Variants in STK25 observed in about 807,000 individuals in gnomAD.
The protein encoded by STK25 is serine/threonine-protein kinase 25.
A neutral mutation model predicts 53.8 loss-of-function variants in STK25; 29 were observed. The observed-to-expected ratio is 0.54, with a 90% CI of 0.40 to 0.74. STK25 has a LOEUF of 0.74. Among genes scored for constraint, STK25 ranks in the 30% least tolerant of loss-of-function variants. STK25 has a pLI of 0.00. For synonymous variants in STK25, 247 were observed against 238.3 expected, an observed-to-expected ratio of 1.04 and a Z score of -0.33; for missense variants, 420 against 568.0, an observed-to-expected ratio of 0.74 and a Z score of 2.65.
chr2:241,498,171 C>T (rs761915534), intron 9 of STK25, 64 bp downstream of exon 9: 134 of 1,467,582 alleles, frequency 9.1e-5, no homozygotes, highest in Non-Finnish European at 1.2e-4. Flanking sequence ...AGCTGGGTCC[C>T]GCATCCAGCC....
At chr2:241,507,632 G>A (rs1463341232) in intron 2 of STK25, among the ~76,000 whole-genome samples, 2 of 152,204 alleles carry the variant, frequency 1.3e-5, no homozygotes, top group Admixed American at 6.5e-5. Context: ...CCCAGGCCGA[G>A]GCCGCAGGGT....
intron 7 of STK25, 25 bp downstream of exon 7, chr2:241,498,964 G>A (rs756076054): frequency 6.2e-7 from 1 of 1,613,126 alleles, no homozygotes; most frequent in Non-Finnish European, 8.5e-7. Context: ...TGTCTAGAAG[G>A]GACCGGGCCA....
intron 9 of STK25, 102 bp downstream of exon 9, chr2:241,498,120 TCCCAAGCTCCTTG>T: frequency 9.9e-7 from 1 of 1,009,092 alleles, no homozygotes; most frequent in Non-Finnish European, 1.5e-6. Flanking sequence ...CCCCTGCCTT[TCCCAAGCTCCTTG>T]TCCAAGCTCC....
chr2:241,495,497 G>T lies in STK25; in HGVS notation c.*165C>A. ...GTGCACAACAGCACACTGCAGGGGT[G>T]GAAGGAGACGGTGACCTGGTGACCT... On this transcript the variant is annotated 3_prime_UTR_variant, in exon 12 of 12. Transcript: ENST00000316586. 1.5e-6 allele frequency: 1 copy of T among 686,936 alleles called. No homozygotes were observed. Among genetic ancestry groups the T allele is most frequent in the Non-Finnish European group, 2.6e-6 (1 of 386,816 alleles). 42.6% of individuals were successfully genotyped at this position (686,936 alleles called of 1,614,324 possible). A position where few individuals can be genotyped will look rare whatever the true frequency, so the allele number is the denominator to read the frequency against.
chr2:241,498,454 G>A, intron 8 of STK25, 105 bp from the exon 9 acceptor site: 2 of 1,264,762 alleles, frequency 1.6e-6, no homozygotes, highest in Non-Finnish European at 2.2e-6. Context: ...TACCAGACGG[G>A]GCTCTGCCAG....
chr2:241,505,214 C>A (rs560044173), intron 2 of STK25, among the ~76,000 whole-genome samples: 1 of 152,082 alleles, frequency 6.6e-6, no homozygotes, highest in Non-Finnish European at 1.5e-5. Context: ...GCAGGCCCAA[C>A]GCCACCTTGT....
At position 241,508,583 on chromosome 2, in the gene STK25, G is replaced by A; in HGVS notation, c.-241C>T. On this transcript the variant is annotated 5_prime_UTR_variant, in exon 1 of 12. Coordinates refer to ENST00000316586, the MANE Select transcript of STK25 (RefSeq NM_001271977.2). ...GTGGTGGCGGCAGCGACCGGAGAAA[G>A]CCCGGAGGCGACGGCGAGGGCGGTG... is the stretch of plus-strand genomic sequence containing the variant. 2 of 989,442 alleles carry A rather than the reference G, an allele frequency of 2.0e-6. No individual in the cohort carries two copies. Among genetic ancestry groups the A allele is most frequent in the Non-Finnish European group, 2.4e-6 (2 of 832,308 alleles). The allele number at this position is 989,442 out of a possible 1,614,324, so 61.3% of individuals were successfully genotyped here. A position where few individuals can be genotyped will look rare whatever the true frequency, so the allele number is the denominator to read the frequency against.
At chr2:241,504,321 CCA>C (rs930842666) in intron 2 of STK25, among the ~76,000 whole-genome samples, 7 of 152,162 alleles carry the variant, frequency 4.6e-5, no homozygotes, top group Non-Finnish European at 1.0e-4. Context: ...GTACAGCAGC[CCA>C]GTCCTAAAGC....
intron 5 of STK25, 189 bp from the exon 6 acceptor site, chr2:241,499,603 A>C (rs1253903674): frequency 1.5e-6 from 1 of 678,746 alleles, no homozygotes; most frequent in East Asian, 2.7e-5. Flanking sequence ...TGCCAGCAGG[A>C]GCCCAACGGC....
At position 241,507,786 on chromosome 2, in the gene STK25, G is replaced by A. The variant is rs1553473; in HGVS notation, c.30+220C>T. Among the ~76,000 whole-genome samples the A allele has an allele frequency of 6.4e-3, 978 of 152,344 alleles. 12 individuals are homozygous for A. The highest frequency in any genetic ancestry group is 0.036 in the South Asian group (174 of 4,832). On this transcript the variant is annotated intron_variant, in intron 2 of 11. Coordinates refer to ENST00000316586, the MANE Select transcript of STK25 (RefSeq NM_001271977.2). ...GGAGCCACCAGGGGCTCGGTTTCTA[G>A]AGGCCTGCGAGCTTCTGCCACGCAA...
At position 241,508,423 on chromosome 2, in the gene STK25, CCG is replaced by C; in HGVS notation, c.-101+18_-101+19del. The C allele has an allele frequency of 9.2e-7, 1 of 1,087,584 alleles. No homozygotes were observed. Among genetic ancestry groups the C allele is most frequent in the Non-Finnish European group, 1.1e-6 (1 of 892,608 alleles). 67.4% of individuals were successfully genotyped at this position (1,087,584 alleles called of 1,614,324 possible). A position where few individuals can be genotyped will look rare whatever the true frequency, so the allele number is the denominator to read the frequency against. The stretch of plus-strand genomic sequence containing the variant: ...CCCCTCCCCAATCGCCGCAAGCGCC[CCG>C]CCCGGCAGCGCGCCCACCTCCGCGG... On this transcript the variant is annotated intron_variant, in intron 1 of 11. Transcript: ENST00000316586.
At chr2:241,508,231 AC>A in intron 1 of STK25, 96 bp from the exon 2 acceptor site, 4 of 1,301,586 alleles carry the variant, frequency 3.1e-6, no homozygotes, top group South Asian at 2.2e-5. Context: ...GGCCCAGGAG[AC>A]CCCCCAGGCC....
At chr2:241,502,519 C>A (rs2065573636) in intron 2 of STK25, among the ~76,000 whole-genome samples, 1 of 152,110 alleles carries the variant, frequency 6.6e-6, no homozygotes. Flanking sequence ...GGGTTGATCA[C>A]CTGAAGTCAG....
Position 241,495,421 on chromosome 2 carries a change from T to C in STK25, c.*241A>G. 1.8e-6 allele frequency: 1 copy of C among 544,328 alleles called. No individual in the cohort carries two copies. Among genetic ancestry groups the C allele is most frequent in the South Asian group, 2.3e-5 (1 of 42,986 alleles). The allele number at this position is 544,328 out of a possible 1,614,324, so 33.7% of individuals were successfully genotyped here. ...CTGGAGCCCCCGTGAGCAATACTGC[T>C]GGGCCAGGAGAGGGAGGAGGGCAGT... On this transcript the variant is annotated 3_prime_UTR_variant, in exon 12 of 12. Coordinates refer to ENST00000316586, the MANE Select transcript of STK25 (RefSeq NM_001271977.2).
rs1182601603 is a variant in STK25, at chr2:241,493,754, G to A, written c.*1908C>T. ...AGATTACAGGCATGCACGCCACGCC[G>A]CCTGGCTAATTTTTGTATTTTTAGT... On this transcript the variant is annotated 3_prime_UTR_variant, in exon 12 of 12. Transcript: ENST00000316586. The A allele has an allele frequency of 5.8e-5, 27 of 466,632 alleles. No homozygotes were observed. The highest frequency in any genetic ancestry group is 3.3e-4 in the South Asian group (9 of 27,320). 28.9% of individuals were successfully genotyped at this position (466,632 alleles called of 1,614,324 possible).
At chr2:241,507,771 G>A (rs1461974303) in intron 2 of STK25, among the ~76,000 whole-genome samples, 1 of 152,254 alleles carries the variant, frequency 6.6e-6, no homozygotes, top group Non-Finnish European at 1.5e-5. Flanking sequence ...GGAGCCACCA[G>A]GGGCTCGGTT....
At position 241,492,828 on chromosome 2, in the gene STK25, C is replaced by CTGGAGAAAGCA. The variant is rs1474832445; in HGVS notation, c.*2823_*2833dup. 2 of 701,428 alleles carry CTGGAGAAAGCA rather than the reference C, an allele frequency of 2.9e-6. No homozygotes were observed. The highest frequency in any genetic ancestry group is 3.6e-5 in the African/African-American group (2 of 56,256). The allele number at this position is 701,428 out of a possible 1,614,324, so 43.5% of individuals were successfully genotyped here. ...TCCAGAGGTAAAACCAAGGCCTCAG[C>CTGGAGAAAGCA]TGGAGAAAGCATGCAGAGGCTTAGT... On this transcript the variant is annotated 3_prime_UTR_variant, in exon 12 of 12. Coordinates refer to ENST00000316586, the MANE Select transcript of STK25 (RefSeq NM_001271977.2).
intron 8 of STK25, 57 bp from the exon 9 acceptor site, chr2:241,498,406 G>C (rs1403927422): frequency 2.1e-6 from 3 of 1,459,024 alleles, no homozygotes; most frequent in Admixed American, 2.0e-5. Context: ...AGGCATGAGG[G>C]CCTCAGGGCA....
In STK25 at chr2:241,501,904, A is replaced by G. The variant is rs2065535444; in HGVS notation, c.31-196T>C. ...TAAACTTGGCCGGGCGTGGTGGCTC[A>G]CGCCTGTAATTCTAGCACTTTGGGA... is the stretch of plus-strand genomic sequence containing the variant. On this transcript the variant is annotated intron_variant, in intron 2 of 11. Coordinates refer to ENST00000316586, the MANE Select transcript of STK25 (RefSeq NM_001271977.2). The surrounding 1 kb of genome is among the most constrained non-coding windows in gnomAD (Gnocchi z 5.3). 1 of 550,382 alleles carries G rather than the reference A, an allele frequency of 1.8e-6. No individual in the cohort carries two copies. The highest frequency in any genetic ancestry group is 3.3e-6 in the Non-Finnish European group (1 of 305,974). 34.1% of individuals were successfully genotyped at this position (550,382 alleles called of 1,614,324 possible).
Sources: gnomAD v4.1 joint callset for allele counts (sites outside exome capture counted in the v4.1 genomes callset) on GRCh38, gnomAD v4.1.1 for gene constraint, Gnocchi (gnomAD v3.1) non-coding constraint, MANE v1.5 for transcripts, NCBI Gene and HGNC (gene_info 2026-07-23, HGNC 2026-07-21) for gene names.